Variants in KCNH7 observed in about 807,000 individuals in gnomAD.
KCNH7 encodes the protein voltage-gated inwardly rectifying potassium channel KCNH7.
In KCNH7, 49 loss-of-function variants were observed where a neutral mutation model predicts 120.8. The observed-to-expected ratio is 0.41, with a 90% CI of 0.32 to 0.51. The LOEUF (loss-of-function observed/expected upper bound fraction) is 0.51. Ranked by LOEUF, KCNH7 falls within the 20% of genes least tolerant of loss-of-function variation. KCNH7 has a pLI of 0.38. For missense variants in KCNH7, 1,097 were observed against 1,446.6 expected, an observed-to-expected ratio of 0.76 and a Z score of 3.92; for synonymous variants, 547 against 516.1, an observed-to-expected ratio of 1.06 and a Z score of -0.81.
intron 12 of KCNH7, among the ~76,000 whole-genome samples, chr2:162,388,343 A>G (rs999762254): frequency 6.6e-6 from 1 of 151,228 alleles, no homozygotes. Flanking sequence ...TAGACCTTAA[A>G]TGTTCTCCCC....
intron 2 of KCNH7, among the ~76,000 whole-genome samples, chr2:162,613,499 T>G (rs538235086): frequency 6.6e-6 from 1 of 152,180 alleles, no homozygotes; most frequent in Non-Finnish European, 1.5e-5. Context: ...CGAAGCCTGT[T>G]GTTGCAGCCT....
intron 2 of KCNH7, among the ~76,000 whole-genome samples, chr2:162,816,029 C>T (rs757009433): frequency 2.1e-4 from 32 of 152,082 alleles, no homozygotes; most frequent in Non-Finnish European, 3.7e-4. Flanking sequence ...GAGGCCAAGG[C>T]GGGCAGATCA....
At chr2:162,593,612 A>G (rs1014798853) in intron 2 of KCNH7, among the ~76,000 whole-genome samples, 4 of 152,048 alleles carry the variant, frequency 2.6e-5, no homozygotes, top group Non-Finnish European at 5.9e-5. Context: ...GCCACTTCTC[A>G]TATGTGATAA....
chr2:162,752,967 A>G (rs998656268), intron 2 of KCNH7, among the ~76,000 whole-genome samples: 1 of 115,070 alleles, frequency 8.7e-6, no homozygotes, highest in Non-Finnish European at 1.6e-5. Context: ...AGAAAAGAAA[A>G]GAAAAGAAAA....
intron 2 of KCNH7, among the ~76,000 whole-genome samples, chr2:162,726,506 G>C (rs1427383404): frequency 6.6e-6 from 1 of 152,002 alleles, no homozygotes; most frequent in South Asian, 2.1e-4. Flanking sequence ...TGTAACCCCC[G>C]CCTCCCGGAT....
At chr2:162,800,375 T>C (rs1310068996) in intron 2 of KCNH7, among the ~76,000 whole-genome samples, 1 of 151,966 alleles carries the variant, frequency 6.6e-6, no homozygotes, top group South Asian at 2.1e-4. Flanking sequence ...GCCAGGTCTT[T>C]TTACTGAAAG....
intron 2 of KCNH7, among the ~76,000 whole-genome samples, chr2:162,569,004 T>C (rs988131527): frequency 6.6e-6 from 1 of 152,116 alleles, no homozygotes; most frequent in Non-Finnish European, 1.5e-5. Flanking sequence ...TTTGGTTGTG[T>C]CTCTGCCCGG....
chr2:162,438,869 T>C (rs1688337128), intron 7 of KCNH7, among the ~76,000 whole-genome samples: 1 of 152,168 alleles, frequency 6.6e-6, no homozygotes, highest in African/African-American at 2.4e-5. Flanking sequence ...TTGCCCCAGA[T>C]TGCAGAATAG....
rs185933673 is a variant in KCNH7, at chr2:162,648,234, G to T, written c.308-111154C>A. ...GAGGCATCAGGAAACCTACAATCAT[G>T]GTGGAAGGCAAAGGGGAAGCAAGCA... On this transcript the variant is annotated intron_variant, in intron 2 of 15. Transcript: ENST00000332142. 4.0e-4 allele frequency among the ~76,000 whole-genome samples: 61 copies of T among 152,192 alleles called. No individual in the cohort carries two copies. In the Middle Eastern group the frequency reaches 0.01, roughly 25 times the overall value.
intron 7 of KCNH7, among the ~76,000 whole-genome samples, chr2:162,436,202 G>A (rs1458619914): frequency 6.6e-6 from 1 of 152,058 alleles, no homozygotes; most frequent in African/African-American, 2.4e-5. Context: ...ACCAAGAAGG[G>A]CCTTGCTGAG....
intron 6 of KCNH7, among the ~76,000 whole-genome samples, chr2:162,447,527 TA>T (rs1462551819): frequency 6.6e-6 from 1 of 152,100 alleles, no homozygotes; most frequent in Non-Finnish European, 1.5e-5. Context: ...ATGCTATGAA[TA>T]TCCCACACAT....
chr2:162,527,175 A>C (rs1691736877), intron 3 of KCNH7, among the ~76,000 whole-genome samples: 1 of 151,950 alleles, frequency 6.6e-6, no homozygotes, highest in South Asian at 2.1e-4. Flanking sequence ...AATTTTCCTC[A>C]GATTTCTTTT....
intron 2 of KCNH7, among the ~76,000 whole-genome samples, chr2:162,669,165 A>AT (rs1300352454): frequency 2.0e-5 from 3 of 152,142 alleles, no homozygotes; most frequent in African/African-American, 4.8e-5. Context: ...GATTATTTAG[A>AT]TTTTTTTAGA....
At chr2:162,759,702 A>C (rs1170621728) in intron 2 of KCNH7, among the ~76,000 whole-genome samples, 2 of 152,056 alleles carry the variant, frequency 1.3e-5, no homozygotes, top group East Asian at 3.9e-4. Context: ...GGAAGGAAGG[A>C]AGGAAAAAAG....
intron 2 of KCNH7, among the ~76,000 whole-genome samples, chr2:162,816,396 A>G (rs1041347465): frequency 1.3e-4 from 20 of 151,828 alleles, no homozygotes; most frequent in Admixed American, 1.2e-3. Flanking sequence ...ATTGACTTTC[A>G]TTAAAATGGT....
At chr2:162,510,349 A>C (rs1166930131) in intron 5 of KCNH7, among the ~76,000 whole-genome samples, 2 of 151,684 alleles carry the variant, frequency 1.3e-5, no homozygotes, top group Non-Finnish European at 3.0e-5. Context: ...CATGATTAGC[A>C]GTAGTCAGCT....
intron 6 of KCNH7, among the ~76,000 whole-genome samples, chr2:162,463,307 A>G (rs1158160540): frequency 2.6e-5 from 4 of 151,842 alleles, no homozygotes; most frequent in Admixed American, 6.6e-5. Context: ...GTATTAAATC[A>G]TTTATTTTTT....
intron 2 of KCNH7, among the ~76,000 whole-genome samples, chr2:162,809,660 T>G (rs1020377898): frequency 2.0e-5 from 3 of 152,100 alleles, no homozygotes; most frequent in Non-Finnish European, 2.9e-5. Flanking sequence ...TTAAAAAATA[T>G]TTTTCTTTTA....
At chr2:162,532,133 A>T (rs879385989) in intron 3 of KCNH7, among the ~76,000 whole-genome samples, 7 of 151,968 alleles carry the variant, frequency 4.6e-5, no homozygotes, top group Admixed American at 1.3e-4. Flanking sequence ...CAGTAACTAG[A>T]GAAAGACAAC....
Sources: gnomAD v4.1 joint callset for allele counts (sites outside exome capture counted in the v4.1 genomes callset) on GRCh38, gnomAD v4.1.1 for gene constraint, MANE v1.5 for transcripts, NCBI Gene and HGNC (gene_info 2026-07-23, HGNC 2026-07-21) for gene names.